SMOC1: variants seen among roughly 807,000 people sequenced by gnomAD.
SMOC1 encodes SPARC-related modular calcium-binding protein 1.
A neutral mutation model predicts 56.3 loss-of-function variants in SMOC1; 22 were observed. That is an observed-to-expected ratio of 0.39 (90% confidence interval 0.28 to 0.56). The LOEUF is 0.56. Ranked by LOEUF, SMOC1 falls within the 20% of genes least tolerant of loss-of-function variation. The probability of loss-of-function intolerance (pLI) is 0.61; values close to 1 mark genes in which losing one functional copy is unlikely to be tolerated. For missense variants in SMOC1, 509 were observed against 565.4 expected (o/e 0.90, Z 1.01); for synonymous variants, 193 against 215.0 (o/e 0.90, Z 0.89).
intron 11 of SMOC1, among the ~76,000 whole-genome samples, chr14:70,027,064 G>T (rs965403962): frequency 2.0e-5 from 3 of 152,142 alleles, no homozygotes; most frequent in African/African-American, 7.2e-5. Flanking sequence ...AGGCAGAAAG[G>T]ATTCCTGTGT....
At position 69,952,480 on chromosome 14, in the gene SMOC1, G is replaced by A. The variant is rs117044870; in HGVS notation, c.265+177G>A. Among the ~76,000 whole-genome samples the A allele has an allele frequency of 8.5e-5, 13 of 152,358 alleles. No individual in the cohort carries two copies. In the East Asian group the frequency reaches 2.5e-3, roughly 29 times the overall value. ...AAGCCTGGTCTACCTGAAGGAATGAGCATTTTTCTATCTTTCAAACACTGC... is the reference window on the plus strand; with the variant it reads ...AAGCCTGGTCTACCTGAAGGAATGAACATTTTTCTATCTTTCAAACACTGC... On this transcript the variant is annotated intron_variant, in intron 2 of 11. Coordinates refer to ENST00000361956, the MANE Select transcript of SMOC1 (RefSeq NM_001034852.3).
In SMOC1 at chr14:69,928,725, T is replaced by G. The variant is rs571166569; in HGVS notation, c.100-23413T>G. Reference sequence around the variant, plus strand: ...AGGAAAGTCTAGATTAATGGAGAATTCTTTGAACTCCATTTTGCCTAATTA... The same window carrying G: ...AGGAAAGTCTAGATTAATGGAGAATGCTTTGAACTCCATTTTGCCTAATTA... On this transcript the variant is annotated intron_variant, in intron 1 of 11. Transcript: ENST00000361956. Among the ~76,000 whole-genome samples, 78 of 152,328 alleles carry G rather than the reference T, an allele frequency of 5.1e-4. 1 individual carries two copies. The highest frequency in any genetic ancestry group is 1.9e-3 in the South Asian group (9 of 4,830).
chr14:69,931,818 C>T (rs1885173109), intron 1 of SMOC1, among the ~76,000 whole-genome samples: 1 of 152,190 alleles, frequency 6.6e-6, no homozygotes, highest in Admixed American at 6.5e-5. Context: ...GCTTTAGTGT[C>T]CAGTTAAAGG....
intron 1 of SMOC1, among the ~76,000 whole-genome samples, chr14:69,903,186 C>T (rs987043097): frequency 3.3e-5 from 5 of 151,700 alleles, no homozygotes; most frequent in Non-Finnish European, 4.4e-5. Flanking sequence ...CGTCTCTGCC[C>T]GGCCACCCAT....
chr14:69,981,953 C>G (rs921557247), intron 5 of SMOC1, among the ~76,000 whole-genome samples: 1 of 152,064 alleles, frequency 6.6e-6, no homozygotes, highest in Non-Finnish European at 1.5e-5. Flanking sequence ...TTCTTAGCCT[C>G]TGGTGGGGTG....
intron 7 of SMOC1, among the ~76,000 whole-genome samples, chr14:70,001,517 C>CT (rs1198248694): frequency 6.6e-6 from 1 of 152,142 alleles, no homozygotes; most frequent in African/African-American, 2.4e-5. Flanking sequence ...GCTATATGTG[C>CT]ATATTTTTTT....
intron 1 of SMOC1, among the ~76,000 whole-genome samples, chr14:69,928,687 A>G (rs1302553990): frequency 1.3e-5 from 2 of 152,064 alleles, no homozygotes; most frequent in Non-Finnish European, 2.9e-5. Context: ...CCTGCTTCAC[A>G]TATCAATTTG....
chr14:69,889,578 A>G lies in SMOC1; in HGVS notation c.99+9801A>G, dbSNP rs112085476. Among the ~76,000 whole-genome samples, 883 of 152,154 alleles carry G rather than the reference A, an allele frequency of 5.8e-3. 7 individuals are homozygous for G. Among genetic ancestry groups the G allele is most frequent in the Middle Eastern group, 0.034 (10 of 294 alleles). On this transcript the variant is annotated intron_variant, in intron 1 of 11. Transcript: ENST00000361956. ...TGATTTGTCCAATGGAGGTCACAGC[A>G]CCTCTTTTCCAGGGTGGTGGGGAAA...
chr14:70,003,946 A>T (rs1021428789), intron 7 of SMOC1, among the ~76,000 whole-genome samples: 5 of 152,216 alleles, frequency 3.3e-5, no homozygotes, highest in African/African-American at 1.2e-4. Flanking sequence ...ACCTGGGTCT[A>T]CAAGGTCCCA....
chr14:69,984,493 T>A (rs370006042), intron 5 of SMOC1, among the ~76,000 whole-genome samples: 1 of 152,276 alleles, frequency 6.6e-6, no homozygotes, highest in African/African-American at 2.4e-5. Flanking sequence ...AACATAGGAC[T>A]CATATCTAGA....
chr14:70,011,439 C>A, intron 8 of SMOC1, 46 bp from the exon 9 acceptor site: 1 of 1,530,750 alleles, frequency 6.5e-7, no homozygotes, highest in Non-Finnish European at 9.0e-7. Flanking sequence ...GAAGTAGGCT[C>A]AGTTGCCAGC....
At chr14:69,928,219 G>T (rs1234907915) in intron 1 of SMOC1, among the ~76,000 whole-genome samples, 1 of 152,218 alleles carries the variant, frequency 6.6e-6, no homozygotes, top group Non-Finnish European at 1.5e-5. Context: ...CTGGAAAGCA[G>T]GAGGTTGGGC....
intron 11 of SMOC1, among the ~76,000 whole-genome samples, chr14:70,025,455 T>C (rs1473533023): frequency 6.6e-6 from 1 of 152,144 alleles, no homozygotes; most frequent in Non-Finnish European, 1.5e-5. Context: ...ACTGACTTCA[T>C]TACTCTGGGC....
At chr14:69,946,321 G>C (rs926196558) in intron 1 of SMOC1, among the ~76,000 whole-genome samples, 5 of 152,128 alleles carry the variant, frequency 3.3e-5, no homozygotes, top group East Asian at 1.9e-4. Flanking sequence ...AAAATGACTT[G>C]TTTATGTATA....
chr14:69,943,097 T>A (rs1594814858), intron 1 of SMOC1, among the ~76,000 whole-genome samples: 1 of 151,762 alleles, frequency 6.6e-6, no homozygotes, highest in Non-Finnish European at 1.5e-5. Context: ...GGTGGTGGGG[T>A]GATGAAGGTC....
intron 7 of SMOC1, among the ~76,000 whole-genome samples, chr14:70,009,326 C>G (rs993701188): frequency 1.3e-5 from 2 of 152,184 alleles, no homozygotes; most frequent in Admixed American, 1.3e-4. Context: ...GTTTTTCTAT[C>G]ATCTGACTTA....
intron 3 of SMOC1, among the ~76,000 whole-genome samples, chr14:69,973,826 C>T (rs1159477888): frequency 6.6e-6 from 1 of 152,322 alleles, no homozygotes; most frequent in African/African-American, 2.4e-5. Flanking sequence ...TTGGATTTCA[C>T]CAAGGCTGTC....
chr14:69,988,420 A>G (rs1884446416), intron 5 of SMOC1, among the ~76,000 whole-genome samples: 1 of 152,162 alleles, frequency 6.6e-6, no homozygotes, highest in Non-Finnish European at 1.5e-5. Flanking sequence ...GCATATACAG[A>G]TTCACATACA....
chr14:69,960,249 A>G (rs952955218), intron 3 of SMOC1, among the ~76,000 whole-genome samples: 2 of 152,126 alleles, frequency 1.3e-5, no homozygotes, highest in African/African-American at 4.8e-5. Flanking sequence ...CTTCATGTGG[A>G]TATATCTTGC....
Sources: gnomAD v4.1 joint callset for allele counts (sites outside exome capture counted in the v4.1 genomes callset) on GRCh38, gnomAD v4.1.1 for gene constraint, MANE v1.5 for transcripts, NCBI Gene and HGNC (gene_info 2026-07-23, HGNC 2026-07-21) for gene names.